The following ARFGEF3 variants were observed in gnomAD, a reference collection of about 807,000 sequenced individuals.
The protein encoded by ARFGEF3 is ARFGEF family member 3.
In ARFGEF3, 96 loss-of-function variants were observed where a neutral mutation model predicts 221.7. The ratio of observed to expected loss-of-function variants is 0.43; its 90% CI spans 0.37 to 0.51. ARFGEF3 has a LOEUF of 0.51. Among genes scored for constraint, ARFGEF3 ranks in the 20% least tolerant of loss-of-function variants. The probability of loss-of-function intolerance (pLI) is 0.00; values close to 1 mark genes in which losing one functional copy is unlikely to be tolerated. For synonymous variants in ARFGEF3, 1,145 were observed against 1,126.8 expected (o/e 1.02, Z -0.32); for missense variants, 2,410 against 2,789.9 (o/e 0.86, Z 3.07).
chr6:138,341,053 G>A lies in ARFGEF3; in HGVS notation c.*4567G>A, dbSNP rs563631304. On this transcript the variant is annotated 3_prime_UTR_variant, in exon 34 of 34. Transcript: ENST00000251691. ...TTACTTTAGAAAACTCACTGAATTA[G>A]GTGGAAATGATGGAATAATACTATT... 3 of 152,394 alleles carry A rather than the reference G, an allele frequency of 2.0e-5. No individual in the cohort carries two copies. In the South Asian group the frequency reaches 6.2e-4, roughly 32 times the overall value. The allele number at this position is 152,394 out of a possible 1,614,324, so 9.4% of individuals were successfully genotyped here.
rs151002155 is a variant in ARFGEF3, at chr6:138,286,750, C to T, written c.2619C>T (p.Ile873=). ...TGGTGGGCTGCTGGAAGAACTTGATCGATACTTTATCAACCCCACTGACTG... is the reference window on the plus strand; with the variant it reads ...TGGTGGGCTGCTGGAAGAACTTGATTGATACTTTATCAACCCCACTGACTG... The part of the protein sequence containing the change: ...YILVGCWKNL[I]DTLSTPLTGR... Residue 873 remains isoleucine, a synonymous_variant, in exon 16 of 34, where the codon ATC becomes ATT. Transcript: ENST00000251691. 3.0e-5 allele frequency: 48 copies of T among 1,613,896 alleles called. 1 individual carries two copies. The highest frequency in any genetic ancestry group is 2.0e-4 in the African/African-American group (15 of 74,936).
At chr6:138,321,059 T>C in intron 28 of ARFGEF3, 52 bp from the exon 29 acceptor site, 1 of 1,021,782 alleles carries the variant, frequency 9.8e-7, no homozygotes, top group South Asian at 1.5e-5. Context: ...CATTTCAATC[T>C]ACCCCTTTAC....
intron 4 of ARFGEF3, chr6:138,218,384 G>C (rs1777915323): frequency 1.3e-6 from 2 of 1,540,184 alleles, no homozygotes; most frequent in African/African-American, 2.8e-5. Flanking sequence ...GGTTCCTTAA[G>C]AAGGCCCTCA....
At chr6:138,269,858 A>G (rs760783559) in intron 12 of ARFGEF3, among the ~76,000 whole-genome samples, 2 of 152,102 alleles carry the variant, frequency 1.3e-5, no homozygotes, top group Non-Finnish European at 2.9e-5. Context: ...AAAGAGATTC[A>G]TTTCCTTTCC....
chr6:138,200,618 C>T (rs200230975), intron 2 of ARFGEF3, among the ~76,000 whole-genome samples: 3 of 152,090 alleles, frequency 2.0e-5, no homozygotes, highest in Non-Finnish European at 2.9e-5. Context: ...AATTGGCTAG[C>T]CACATGTAGG....
intron 17 of ARFGEF3, among the ~76,000 whole-genome samples, chr6:138,287,535 G>A (rs1433209368): frequency 6.6e-6 from 1 of 152,220 alleles, no homozygotes; most frequent in East Asian, 1.9e-4. Flanking sequence ...TTATAGTGGG[G>A]AAGGCAGATT....
Position 138,286,683 on chromosome 6 carries a change from C to T in ARFGEF3, c.2570-18C>T, listed in dbSNP as rs776923524. On this transcript the variant is annotated intron_variant, in intron 15 of 33. Transcript: ENST00000251691. ...GTTTTTGTCTCTAGAAAATGACACA[C>T]ACCCCTCCATGTTCCAGGCGTGGCA... is the stretch of plus-strand genomic sequence containing the variant. 31 of 1,610,852 alleles carry T rather than the reference C, an allele frequency of 1.9e-5. 1 individual carries two copies. The South Asian group carries it at 3.2e-4, about 17-fold the overall frequency.
At chr6:138,238,660 A>T in intron 6 of ARFGEF3, 29 bp downstream of exon 6, 1 of 1,608,634 alleles carries the variant, frequency 6.2e-7, no homozygotes. Context: ...CATGTTCATC[A>T]CCTTCCTGGT....
intron 25 of ARFGEF3, among the ~76,000 whole-genome samples, chr6:138,313,422 G>C (rs1779865165): frequency 6.6e-6 from 1 of 152,198 alleles, no homozygotes; most frequent in East Asian, 1.9e-4. Context: ...TCATTTGCCT[G>C]TGGACTGTCT....
At chr6:138,236,233 T>C (rs1436773740) in intron 5 of ARFGEF3, among the ~76,000 whole-genome samples, 1 of 152,244 alleles carries the variant, frequency 6.6e-6, no homozygotes, top group Non-Finnish European at 1.5e-5. Context: ...CTTTCATCTG[T>C]AATGCTTTTA....
At chr6:138,278,004 G>C (rs912791201) in intron 12 of ARFGEF3, among the ~76,000 whole-genome samples, 1 of 152,208 alleles carries the variant, frequency 6.6e-6, no homozygotes, top group African/African-American at 2.4e-5. Context: ...CCTGCGGCAG[G>C]TCCAGGCCTG....
intron 12 of ARFGEF3, among the ~76,000 whole-genome samples, chr6:138,271,319 A>G (rs1379226284): frequency 1.3e-5 from 2 of 152,228 alleles, no homozygotes; most frequent in Non-Finnish European, 2.9e-5. Context: ...AAGAAAACAC[A>G]AAATAAATAA....
intron 8 of ARFGEF3, among the ~76,000 whole-genome samples, chr6:138,252,301 C>A (rs1240609406): frequency 2.0e-5 from 3 of 152,016 alleles, no homozygotes; most frequent in Non-Finnish European, 4.4e-5. Flanking sequence ...GTTCTATAAA[C>A]CTTAAAAGAA....
At chr6:138,246,894 G>C (rs1244251340) in intron 8 of ARFGEF3, among the ~76,000 whole-genome samples, 1 of 152,196 alleles carries the variant, frequency 6.6e-6, no homozygotes, top group African/African-American at 2.4e-5. Flanking sequence ...ATGAGTAACT[G>C]TGTGAGATGA....
intron 7 of ARFGEF3, among the ~76,000 whole-genome samples, chr6:138,244,231 G>A (rs1358090192): frequency 2.0e-5 from 3 of 152,082 alleles, no homozygotes; most frequent in Admixed American, 1.3e-4. Flanking sequence ...TGAGGACCAG[G>A]CATTTATTTC....
At chr6:138,214,530 C>G (rs965904001) in intron 4 of ARFGEF3, among the ~76,000 whole-genome samples, 6 of 152,092 alleles carry the variant, frequency 3.9e-5, no homozygotes, top group African/African-American at 1.4e-4. Context: ...TATAACGGAT[C>G]CTAGGTGTTA....
intron 12 of ARFGEF3, among the ~76,000 whole-genome samples, chr6:138,277,528 C>T (rs369847555): frequency 2.6e-5 from 4 of 152,154 alleles, no homozygotes; most frequent in Non-Finnish European, 4.4e-5. Context: ...TTTAGCTTTT[C>T]GAGAAACATT....
At chr6:138,269,679 G>T (rs1007984104) in intron 12 of ARFGEF3, among the ~76,000 whole-genome samples, 5 of 151,986 alleles carry the variant, frequency 3.3e-5, no homozygotes, top group African/African-American at 1.2e-4. Flanking sequence ...ATGGTGGTGC[G>T]TGCCTGTAGC....
rs373209941 is a variant in ARFGEF3, at chr6:138,236,775, A to T, written c.421-1734A>T. 1.3e-3 allele frequency among the ~76,000 whole-genome samples: 199 copies of T among 152,262 alleles called. 1 individual carries two copies. The highest frequency in any genetic ancestry group is 4.6e-3 in the African/African-American group (193 of 41,556). On this transcript the variant is annotated intron_variant, in intron 5 of 33. Transcript: ENST00000251691. ...TGAGCCACCACATCTAGCCTAAAAC[A>T]CCTTTTCTTTTCTAAGCATGCATAA...
Sources: allele counts gnomAD v4.1 joint callset (sites outside exome capture counted in the v4.1 genomes callset), GRCh38; gene constraint gnomAD v4.1.1; transcripts MANE v1.5; gene names NCBI Gene and HGNC (gene_info 2026-07-23, HGNC 2026-07-21).